CERKL: variants seen among roughly 807,000 people sequenced by gnomAD.
CERKL encodes the protein CERK like autophagy regulator.
A neutral mutation model predicts 63.4 loss-of-function variants in CERKL; 61 were observed. That is an observed-to-expected ratio of 0.96 (90% confidence interval 0.78 to 1.19). CERKL has a LOEUF of 1.19. CERKL is among the 50% of genes most tolerant of loss of function. CERKL has a pLI of 0.00. For synonymous variants in CERKL, 250 were observed against 230.5 expected (o/e 1.08, Z -0.77); for missense variants, 675 against 655.5 (o/e 1.03, Z -0.33).
intron 11 of CERKL, among the ~76,000 whole-genome samples, chr2:181,540,657 C>A (rs992037409): frequency 6.6e-6 from 1 of 152,184 alleles, no homozygotes; most frequent in Non-Finnish European, 1.5e-5. Flanking sequence ...TTGTCATGTG[C>A]ACTCCTCACA....
intron 2 of CERKL, among the ~76,000 whole-genome samples, chr2:181,587,610 C>T (rs1382588157): frequency 6.6e-6 from 1 of 151,936 alleles, no homozygotes; most frequent in African/African-American, 2.4e-5. Context: ...ATTCTTTTTC[C>T]CTACTCTACA....
At chr2:181,600,447 C>A (rs1038827824) in intron 2 of CERKL, among the ~76,000 whole-genome samples, 1 of 152,094 alleles carries the variant, frequency 6.6e-6, no homozygotes, top group Admixed American at 6.5e-5. Context: ...AATGACCTAA[C>A]CTTCTGCTGA....
rs1319268140 is a variant in CERKL at position 181,656,900 on chromosome 2, G to C, written c.107C>G (p.Pro36Arg). 1.2e-6 allele frequency: 2 copies of C among 1,604,636 alleles called. No individual in the cohort carries two copies. The highest frequency in any genetic ancestry group is 2.2e-5 in the East Asian group (1 of 44,452). Residue 36 changes from proline (P) to arginine (R), a missense_variant, in exon 1 of 13, where the codon CCG becomes CGG. Pro to Arg is a moderately radical substitution (Grantham distance 103). Coordinates refer to ENST00000410087, the MANE Select transcript of CERKL (RefSeq NM_201548.5). The part of the protein sequence containing the change: ...AAVPPALLTS[P>R]QQTEAAAERI... ...CTCGGCCGCCGCCTCCGTCTGCTGC[G>C]GGGACGTTAACAGCGCCGGAGGCAC... is the stretch of plus-strand genomic sequence containing the variant.
intron 2 of CERKL, among the ~76,000 whole-genome samples, chr2:181,592,675 G>C (rs1028230945): frequency 6.6e-6 from 1 of 152,146 alleles, no homozygotes; most frequent in African/African-American, 2.4e-5. Flanking sequence ...GGAGAGCATG[G>C]TGGGTTAAGA....
At chr2:181,538,821 A>G (rs1218574185) in intron 12 of CERKL, among the ~76,000 whole-genome samples, 2 of 152,194 alleles carry the variant, frequency 1.3e-5, no homozygotes, top group Non-Finnish European at 2.9e-5. Context: ...TGTAGACATT[A>G]TCTGTAGTTT....
At chr2:181,645,255 T>C (rs138988730) in intron 1 of CERKL, among the ~76,000 whole-genome samples, 2 of 152,198 alleles carry the variant, frequency 1.3e-5, no homozygotes, top group Admixed American at 6.5e-5. Flanking sequence ...GTATCAAGTA[T>C]ATAGGAATGT....
intron 1 of CERKL, among the ~76,000 whole-genome samples, chr2:181,638,119 T>A (rs1190114625): frequency 6.6e-6 from 1 of 152,172 alleles, no homozygotes; most frequent in Non-Finnish European, 1.5e-5. Context: ...ATTGGAAGTA[T>A]CAGCATAATC....
Position 181,538,169 on chromosome 2 carries a change from A to G in CERKL, c.*15T>C. On this transcript the variant is annotated 3_prime_UTR_variant, in exon 13 of 13. Coordinates refer to ENST00000410087, the MANE Select transcript of CERKL (RefSeq NM_201548.5). ...AAATTCTAGTTTGTACATTTCTTTT[A>G]GAAACAATTACATGTTACTTTGGAA... is the stretch of plus-strand genomic sequence containing the variant. 2 of 1,520,234 alleles carry G rather than the reference A, an allele frequency of 1.3e-6. No individual in the cohort carries two copies. The allele number at this position is 1,520,234 out of a possible 1,614,324, so 94.2% of individuals were successfully genotyped here. A position where few individuals can be genotyped will look rare whatever the true frequency, so the allele number is the denominator to read the frequency against.
intron 4 of CERKL, among the ~76,000 whole-genome samples, chr2:181,564,073 C>T (rs1688560333): frequency 6.6e-6 from 1 of 152,098 alleles, no homozygotes; most frequent in Non-Finnish European, 1.5e-5. Flanking sequence ...CAACCTAGAT[C>T]CCTCGCATGA....
chr2:181,609,543 A>G (rs929661659), intron 1 of CERKL, among the ~76,000 whole-genome samples: 2 of 146,240 alleles, frequency 1.4e-5, no homozygotes, highest in African/African-American at 5.0e-5. Flanking sequence ...TAAAAAAAAA[A>G]AAAAAAAAAA....
chr2:181,549,841 G>C, intron 5 of CERKL, 133 bp from the exon 6 acceptor site: 1 of 710,384 alleles, frequency 1.4e-6, no homozygotes, highest in Non-Finnish European at 2.6e-6. Flanking sequence ...AATCAGGAAA[G>C]TTAATGTGAA....
intron 2 of CERKL, among the ~76,000 whole-genome samples, chr2:181,578,745 G>A (rs1289441404): frequency 6.6e-6 from 1 of 152,016 alleles, no homozygotes; most frequent in Non-Finnish European, 1.5e-5. Flanking sequence ...TACATAGGAT[G>A]CCATCTCACT....
rs562684147 is a variant in CERKL at position 181,621,044 on chromosome 2, G to A, written c.239-16965C>T. Among the ~76,000 whole-genome samples, 4 of 152,156 alleles carry A rather than the reference G, an allele frequency of 2.6e-5. No individual in the cohort carries two copies. In the East Asian group the frequency reaches 7.7e-4, roughly 29 times the overall value. On this transcript the variant is annotated intron_variant, in intron 1 of 12. Coordinates refer to ENST00000410087, the MANE Select transcript of CERKL (RefSeq NM_201548.5). ...GTCATGTTTATTTTTAATATGCTAGGCAAATGGGGGATATGAACCTTTCAT... is the reference window on the plus strand; with the variant it reads ...GTCATGTTTATTTTTAATATGCTAGACAAATGGGGGATATGAACCTTTCAT...
intron 5 of CERKL, among the ~76,000 whole-genome samples, chr2:181,554,023 TTTTTC>T (rs1266714451): frequency 2.0e-5 from 3 of 152,150 alleles, no homozygotes; most frequent in African/African-American, 7.2e-5. Context: ...CTGAAAGTTA[TTTTTC>T]TTAACACTAC....
chr2:181,564,335 T>C (rs1306969053), intron 4 of CERKL, among the ~76,000 whole-genome samples: 1 of 152,172 alleles, frequency 6.6e-6, no homozygotes, highest in East Asian at 1.9e-4. Flanking sequence ...TTTGAAATTA[T>C]TGTAAGTCTG....
Position 181,538,181 on chromosome 2 carries a change from A to T in CERKL, c.*3T>A, listed in dbSNP as rs767060558. ...GTACATTTCTTTTAGAAACAATTACATGTTACTTTGGAATCATTTCTTCCA... is the reference window on the plus strand; with the variant it reads ...GTACATTTCTTTTAGAAACAATTACTTGTTACTTTGGAATCATTTCTTCCA... On this transcript the variant is annotated 3_prime_UTR_variant, in exon 13 of 13. Coordinates refer to ENST00000410087, the MANE Select transcript of CERKL (RefSeq NM_201548.5). 3.2e-6 allele frequency: 5 copies of T among 1,549,616 alleles called. No individual in the cohort carries two copies. Among genetic ancestry groups the T allele is most frequent in the Non-Finnish European group, 4.5e-6 (5 of 1,123,032 alleles).
At chr2:181,605,925 C>T (rs1685656619) in intron 1 of CERKL, among the ~76,000 whole-genome samples, 1 of 151,904 alleles carries the variant, frequency 6.6e-6, no homozygotes, top group African/African-American at 2.4e-5. Flanking sequence ...TCCTTGCTTG[C>T]ATTCTCAGGG....
chr2:181,549,594 T>A, intron 6 of CERKL, 40 bp downstream of exon 6: 1 of 1,440,778 alleles, frequency 6.9e-7, no homozygotes, highest in Non-Finnish European at 9.8e-7. Context: ...TAAATCAACA[T>A]TTCCTTATAA....
At chr2:181,596,993 T>C (rs1286665174) in intron 2 of CERKL, among the ~76,000 whole-genome samples, 1 of 152,210 alleles carries the variant, frequency 6.6e-6, no homozygotes, top group Non-Finnish European at 1.5e-5. Flanking sequence ...TCAATTTCTC[T>C]TTTTTGATCA....
Sources: gnomAD v4.1 joint callset for allele counts (sites outside exome capture counted in the v4.1 genomes callset) on GRCh38, gnomAD v4.1.1 for gene constraint, MANE v1.5 for transcripts, NCBI Gene and HGNC (gene_info 2026-07-23, HGNC 2026-07-21) for gene names.